The following EYA2 variants were observed in gnomAD, a reference collection of about 807,000 sequenced individuals.
EYA2 encodes EYA transcriptional coactivator and phosphatase 2.
A neutral mutation model predicts 69.2 loss-of-function variants in EYA2; 31 were observed. The ratio of observed to expected loss-of-function variants is 0.45; its 90% confidence interval spans 0.34 to 0.60. The LOEUF is 0.60. EYA2 is among the 20% of genes least tolerant of loss of function. The pLI is 0.02. For synonymous variants in EYA2, 257 were observed against 279.4 expected (o/e 0.92, Z 0.80); for missense variants, 622 against 701.2 (o/e 0.89, Z 1.28).
At chr20:47,052,349 A>G (rs369772574) in intron 5 of EYA2, among the ~76,000 whole-genome samples, 167 of 152,210 alleles carry the variant, frequency 1.1e-3, no homozygotes, top group African/African-American at 3.8e-3. Context: ...GGAGGAGGAG[A>G]AGCCAGCATG....
In EYA2 at chr20:46,932,825, G is replaced by A. The variant is rs184751981; in HGVS notation, c.-11+37838G>A. On this transcript the variant is annotated intron_variant, in intron 1 of 15. Coordinates refer to ENST00000327619, the MANE Select transcript of EYA2 (RefSeq NM_005244.5). ...CGCTTGAACCCAGGAGGCAGAGGTT[G>A]CAGTGAGCCGAGATCGAGCCACTGC... 7.9e-5 allele frequency among the ~76,000 whole-genome samples: 12 copies of A among 152,248 alleles called. No homozygotes were observed. In the East Asian group the frequency reaches 2.3e-3, roughly 29 times the overall value.
At position 47,112,862 on chromosome 20, in the gene EYA2, C is replaced by CTTTTTTTTTTTTTTTTTTT. The variant is rs11473217; in HGVS notation, c.888+15703_888+15721dup. The stretch of plus-strand genomic sequence containing the variant: ...CAAAAGTTAGATTTCATGTTCACTC[C>CTTTTTTTTTTTTTTTTTTT]TTTTTTTTTTTTTTTTTTTTTTTTT... On this transcript the variant is annotated intron_variant, in intron 9 of 15. Coordinates refer to ENST00000327619, the MANE Select transcript of EYA2 (RefSeq NM_005244.5). Among the ~76,000 whole-genome samples the CTTTTTTTTTTTTTTTTTTT allele has an allele frequency of 5.4e-4, 30 of 55,808 alleles. 10 individuals are homozygous for CTTTTTTTTTTTTTTTTTTT. Among genetic ancestry groups the CTTTTTTTTTTTTTTTTTTT allele is most frequent in the South Asian group, 1.9e-3 (2 of 1,060 alleles). The allele number at this position is 55,808 out of a possible 152,430, so 36.6% of individuals were successfully genotyped here. A position where few individuals can be genotyped will look rare whatever the true frequency, so the allele number is the denominator to read the frequency against.
intron 1 of EYA2, among the ~76,000 whole-genome samples, chr20:46,906,511 AAAG>A (rs1357515385): frequency 6.6e-6 from 1 of 152,230 alleles, no homozygotes; most frequent in Non-Finnish European, 1.5e-5. Flanking sequence ...TGTATCTTTG[AAAG>A]AAGAATAACT....
At position 47,016,380 on chromosome 20, in the gene EYA2, A is replaced by G. The variant is rs566661064; in HGVS notation, c.415+83A>G. On this transcript the variant is annotated intron_variant, in intron 5 of 15. Transcript: ENST00000327619. ...GTCCATTCATTCATTCATTCAGCAG[A>G]TTTTTTGAGCACCTACTATGTGCCA... The G allele has an allele frequency of 1.2e-4, 130 of 1,051,092 alleles. 1 individual carries two copies. In the South Asian group the frequency reaches 1.4e-3, roughly 12 times the overall value. The allele number at this position is 1,051,092 out of a possible 1,614,324, so 65.1% of individuals were successfully genotyped here. A position where few individuals can be genotyped will look rare whatever the true frequency, so the allele number is the denominator to read the frequency against.
intron 10 of EYA2, among the ~76,000 whole-genome samples, chr20:47,144,179 A>C (rs2033656084): frequency 6.6e-6 from 1 of 152,160 alleles, no homozygotes; most frequent in Admixed American, 6.5e-5. Context: ...AACATGGCGA[A>C]ACCCCGTCTC....
At chr20:47,010,406 C>A (rs1474549803) in intron 4 of EYA2, among the ~76,000 whole-genome samples, 1 of 152,124 alleles carries the variant, frequency 6.6e-6, no homozygotes, top group Non-Finnish European at 1.5e-5. Flanking sequence ...CTCTGGGTTT[C>A]TTCAGGCATG....
At chr20:46,913,236 G>A (rs565056861) in intron 1 of EYA2, among the ~76,000 whole-genome samples, 1 of 152,318 alleles carries the variant, frequency 6.6e-6, no homozygotes, top group South Asian at 2.1e-4. Context: ...TGGCAGGCAA[G>A]GCCTCCCTGA....
intron 7 of EYA2, among the ~76,000 whole-genome samples, chr20:47,078,989 A>C (rs2031622832): frequency 6.6e-6 from 1 of 152,224 alleles, no homozygotes; most frequent in Non-Finnish European, 1.5e-5. Flanking sequence ...TATTTTTTTC[A>C]CTGATTAAAA....
chr20:47,181,024 G>A lies in EYA2; in HGVS notation c.1435+88G>A, dbSNP rs576849440. 6.8e-5 allele frequency: 104 copies of A among 1,527,706 alleles called. No individual in the cohort carries two copies. In the South Asian group the frequency reaches 1.2e-3, roughly 18 times the overall value. The allele number at this position is 1,527,706 out of a possible 1,614,324, so 94.6% of individuals were successfully genotyped here. A position where few individuals can be genotyped will look rare whatever the true frequency, so the allele number is the denominator to read the frequency against. ...TGGGAATGGGGTGTTTAAGGAACAT[G>A]ACACCACAGAAATGGATGGAGTGTG... On this transcript the variant is annotated intron_variant, in intron 14 of 15. Transcript: ENST00000327619.
At chr20:46,981,798 A>G (rs571957881) in intron 1 of EYA2, among the ~76,000 whole-genome samples, 1 of 152,060 alleles carries the variant, frequency 6.6e-6, no homozygotes, top group East Asian at 1.9e-4. Context: ...GTATGTCTTT[A>G]TATTTAAAAG....
Position 47,089,218 on chromosome 20 carries a change from C to T in EYA2, c.662-21C>T, listed in dbSNP as rs1438858153. The T allele has an allele frequency of 2.5e-6, 4 of 1,612,228 alleles. No individual in the cohort carries two copies. The South Asian group carries it at 4.4e-5, about 18-fold the overall frequency. On this transcript the variant is annotated intron_variant, in intron 7 of 15. Transcript: ENST00000327619. ...CCCAGCAAAGCTTCTGATTTGTCCACCATTCCCTTTCTTACGCCAGGTGAA... is the reference window on the plus strand; with the variant it reads ...CCCAGCAAAGCTTCTGATTTGTCCATCATTCCCTTTCTTACGCCAGGTGAA...
At chr20:46,902,191 G>A (rs939686532) in intron 1 of EYA2, among the ~76,000 whole-genome samples, 1 of 152,160 alleles carries the variant, frequency 6.6e-6, no homozygotes, top group Non-Finnish European at 1.5e-5. Flanking sequence ...CTTGGGACCC[G>A]ATTTTGGAAA....
chr20:46,982,571 T>A (rs947574962), intron 1 of EYA2, among the ~76,000 whole-genome samples: 14 of 152,194 alleles, frequency 9.2e-5, no homozygotes, highest in African/African-American at 3.4e-4. Context: ...CTGTGGCTCC[T>A]ATTACATGTG....
chr20:47,148,058 C>CAAA lies in EYA2; in HGVS notation c.978+4923_978+4925dup, dbSNP rs1264883844. On this transcript the variant is annotated intron_variant, in intron 10 of 15. Transcript: ENST00000327619. ...TGGGCGACAGAGCAAGACTCTGTCT[C>CAAA]AAAAAAAAAAAAAAAGAATAAAAAA... is the stretch of plus-strand genomic sequence containing the variant. Among the ~76,000 whole-genome samples the CAAA allele has an allele frequency of 1.1e-3, 87 of 82,838 alleles. 4 individuals carry two copies. Among genetic ancestry groups the CAAA allele is most frequent in the African/African-American group, 3.8e-3 (79 of 20,606 alleles). 54.3% of individuals were successfully genotyped at this position (82,838 alleles called of 152,430 possible).
At chr20:47,117,793 TC>T in intron 9 of EYA2, 1 of 722,884 alleles carries the variant, frequency 1.4e-6, no homozygotes, top group Non-Finnish European at 1.7e-6. Flanking sequence ...TTCTTCCTTT[TC>T]CCCCTTCTAC....
chr20:47,007,434 G>C lies in EYA2; in HGVS notation c.298+2350G>C, dbSNP rs559639891. Among the ~76,000 whole-genome samples the C allele has an allele frequency of 3.3e-5, 5 of 152,268 alleles. No individual in the cohort carries two copies. In the East Asian group the frequency reaches 9.7e-4, roughly 29 times the overall value. On this transcript the variant is annotated intron_variant, in intron 4 of 15. Coordinates refer to ENST00000327619, the MANE Select transcript of EYA2 (RefSeq NM_005244.5). ...AGGCCCTGGGAATGGGGAGGAACTT[G>C]GCAATTCTGAGAAGACTAATGGCTG...
At chr20:47,134,963 T>C (rs1255707709) in intron 9 of EYA2, among the ~76,000 whole-genome samples, 2 of 151,874 alleles carry the variant, frequency 1.3e-5, no homozygotes, top group East Asian at 3.9e-4. Flanking sequence ...CCGTCTCTAC[T>C]AAAAATACAA....
chr20:47,045,710 T>G (rs1383343947), intron 5 of EYA2, among the ~76,000 whole-genome samples: 1 of 152,220 alleles, frequency 6.6e-6, no homozygotes. Flanking sequence ...AGAACTTTTG[T>G]CAGGAATTTG....
chr20:46,975,887 A>G (rs1252172164), intron 1 of EYA2, among the ~76,000 whole-genome samples: 2 of 152,026 alleles, frequency 1.3e-5, no homozygotes, highest in Non-Finnish European at 2.9e-5. Flanking sequence ...TTTATTTTTT[A>G]TTGTATGCCA....
Sources: allele counts gnomAD v4.1 joint callset (sites outside exome capture counted in the v4.1 genomes callset), GRCh38; gene constraint gnomAD v4.1.1; transcripts MANE v1.5; gene names NCBI Gene and HGNC (gene_info 2026-07-23, HGNC 2026-07-21).